Variants in PCDH11X observed in about 807,000 individuals in gnomAD.
PCDH11X encodes protocadherin-11 X-linked.
Under a neutral mutation model 53.3 loss-of-function variants are expected in PCDH11X, and 18 were observed. The observed-to-expected ratio is 0.34, with a 90% CI of 0.23 to 0.50. The LOEUF (loss-of-function observed/expected upper bound fraction) is 0.50, where lower values mean the gene tolerates loss of function less well. PCDH11X is among the 20% of genes least tolerant of loss of function. PCDH11X has a pLI of 0.98. For synonymous variants in PCDH11X, 279 were observed against 393.3 expected, an observed-to-expected ratio of 0.71 and a Z score of 3.44; for missense variants, 570 against 1,032.4, an observed-to-expected ratio of 0.55 and a Z score of 6.14.
intron 4 of PCDH11X, among the ~76,000 whole-genome samples, chrX:91,825,472 G>A (rs1488465145): frequency 7.1e-5 from 8 of 112,028 alleles, no homozygotes; most frequent in Non-Finnish European, 1.5e-4. Context: ...CTTTGATTAG[G>A]AAAGGGAACT....
At chrX:92,123,595 C>T (rs1476588747) in intron 6 of PCDH11X, among the ~76,000 whole-genome samples, 2 of 105,356 alleles carry the variant, frequency 1.9e-5, no homozygotes, top group African/African-American at 7.0e-5. Context: ...TCTACTCCAA[C>T]CTAGATTCAG....
intron 8 of PCDH11X, among the ~76,000 whole-genome samples, chrX:92,367,148 A>G (rs1335595950): frequency 1.8e-5 from 2 of 110,286 alleles, no homozygotes; most frequent in South Asian, 4.0e-4. Context: ...CTAAGTCTCT[A>G]AGAACTTGCT....
At chrX:92,256,809 G>A (rs1031030105) in intron 7 of PCDH11X, among the ~76,000 whole-genome samples, 2 of 110,750 alleles carry the variant, frequency 1.8e-5, no homozygotes, top group Non-Finnish European at 3.8e-5. Context: ...AGAACATGTG[G>A]TATTTGGTTT....
At chrX:92,494,550 T>C (rs1215809236) in intron 10 of PCDH11X, among the ~76,000 whole-genome samples, 2 of 111,883 alleles carry the variant, frequency 1.8e-5, no homozygotes, top group African/African-American at 6.5e-5. Context: ...TTTGATTTTC[T>C]TTTTTTTAAT....
intron 6 of PCDH11X, among the ~76,000 whole-genome samples, chrX:91,889,413 G>C (rs993515233): frequency 3.6e-5 from 4 of 110,875 alleles, no homozygotes; most frequent in African/African-American, 9.8e-5. Context: ...CCGCCTCCTG[G>C]GTTCAAGAGA....
intron 8 of PCDH11X, among the ~76,000 whole-genome samples, chrX:92,370,823 A>C (rs1390100465): frequency 8.9e-6 from 1 of 112,088 alleles, no homozygotes. Flanking sequence ...GGAATATTGA[A>C]GTCTACTATT....
intron 1 of PCDH11X, among the ~76,000 whole-genome samples, chrX:91,800,542 G>A (rs1424442845): frequency 9.3e-6 from 1 of 108,070 alleles, no homozygotes; most frequent in Non-Finnish European, 1.9e-5. Flanking sequence ...AGAAAACTAT[G>A]GATATTTTTT....
chrX:91,972,396 G>T (rs2061975400), intron 6 of PCDH11X, among the ~76,000 whole-genome samples: 1 of 90,338 alleles, frequency 1.1e-5, no homozygotes, highest in Non-Finnish European at 2.2e-5. Context: ...CATTTTGTAG[G>T]TTGCCTGTTC....
chrX:92,505,145 CTTTTTTCTT>C (rs1340306175), intron 10 of PCDH11X, among the ~76,000 whole-genome samples: 2 of 41,181 alleles, frequency 4.9e-5, no homozygotes, highest in African/African-American at 1.8e-4. Flanking sequence ...TTTCTTTTTT[CTTTTTTCTT>C]TTTTTTTTTT....
intron 5 of PCDH11X, among the ~76,000 whole-genome samples, chrX:91,867,601 C>T (rs1412179898): frequency 1.8e-5 from 2 of 109,541 alleles, no homozygotes; most frequent in African/African-American, 6.7e-5. Flanking sequence ...CTTTTAACAT[C>T]TCCAGATATA....
At chrX:92,455,131 G>T (rs2072884754) in intron 9 of PCDH11X, among the ~76,000 whole-genome samples, 1 of 103,116 alleles carries the variant, frequency 9.7e-6, no homozygotes, top group Non-Finnish European at 2.0e-5. Flanking sequence ...GTGTTTTGTG[G>T]CATCATGTTT....
At position 92,589,894 on chromosome X, in the gene PCDH11X, G is replaced by A. The variant is rs369625525; in HGVS notation, c.3368-28370G>A. 2.0e-4 allele frequency among the ~76,000 whole-genome samples: 22 copies of A among 111,804 alleles called. No homozygotes were observed. In the East Asian group the frequency reaches 4.0e-3, roughly 20 times the overall value. ...TCAGTCTAGGCTGAGGAGAGGAGCC[G>A]AGTCCTGCTGAGGCGCAGACATGAA... On this transcript the variant is annotated intron_variant, in intron 10 of 10. Coordinates refer to ENST00000682573, the MANE Select transcript of PCDH11X (RefSeq NM_032968.5).
intron 6 of PCDH11X, among the ~76,000 whole-genome samples, chrX:91,914,060 A>C (rs958743768): frequency 2.7e-5 from 3 of 111,938 alleles, no homozygotes; most frequent in Non-Finnish European, 3.8e-5. Context: ...AGACCTGAAG[A>C]CAGATCACAT....
intron 10 of PCDH11X, among the ~76,000 whole-genome samples, chrX:92,522,827 G>A (rs1460962285): frequency 5.4e-5 from 6 of 111,979 alleles, no homozygotes; most frequent in African/African-American, 9.7e-5. Context: ...ACTTTCCTAC[G>A]ATCAAAAATT....
At chrX:92,474,300 T>C (rs1468996052) in intron 10 of PCDH11X, among the ~76,000 whole-genome samples, 2 of 111,105 alleles carry the variant, frequency 1.8e-5, no homozygotes, top group Non-Finnish European at 3.8e-5. Context: ...TGGCATGGAA[T>C]ATCTTTTACC....
At chrX:92,294,182 C>T (rs1299970853) in intron 8 of PCDH11X, among the ~76,000 whole-genome samples, 1 of 110,190 alleles carries the variant, frequency 9.1e-6, no homozygotes, top group Admixed American at 9.7e-5. Flanking sequence ...GCTCTTGTTG[C>T]TCAGTTTGGA....
chrX:92,092,209 G>A (rs1470998061), intron 6 of PCDH11X, among the ~76,000 whole-genome samples: 2 of 111,269 alleles, frequency 1.8e-5, no homozygotes, highest in Non-Finnish European at 3.8e-5. Flanking sequence ...GTAGTTTGAC[G>A]TGGTTGTATA....
At chrX:92,155,079 GC>G (rs2065506482) in intron 6 of PCDH11X, among the ~76,000 whole-genome samples, 1 of 75,400 alleles carries the variant, frequency 1.3e-5, no homozygotes, top group African/African-American at 5.0e-5. Flanking sequence ...TGGTGTCAGA[GC>G]CCCACAGCCT....
intron 8 of PCDH11X, among the ~76,000 whole-genome samples, chrX:92,298,946 T>G (rs1432640041): frequency 2.7e-5 from 3 of 111,814 alleles, no homozygotes; most frequent in Non-Finnish European, 5.6e-5. Flanking sequence ...AGTGATTAAC[T>G]TCTTTTAATC....
Sources: gnomAD v4.1 joint callset for allele counts (sites outside exome capture counted in the v4.1 genomes callset) on GRCh38, gnomAD v4.1.1 for gene constraint, MANE v1.5 for transcripts, NCBI Gene and HGNC (gene_info 2026-07-23, HGNC 2026-07-21) for gene names.